Variants in PRKN observed in about 807,000 individuals in gnomAD.
The protein encoded by PRKN is E3 ubiquitin-protein ligase parkin.
A neutral mutation model predicts 59.5 loss-of-function variants in PRKN; 56 were observed. The observed-to-expected ratio is 0.94, with a 90% CI of 0.76 to 1.18. The LOEUF (loss-of-function observed/expected upper bound fraction) is 1.18, where lower values mean the gene tolerates loss of function less well. Ranked by LOEUF, PRKN falls within the 50% of genes most tolerant of loss-of-function variation. The pLI is 0.00. For missense variants in PRKN, 657 were observed against 596.4 expected (o/e 1.10, Z -1.06); for synonymous variants, 250 against 222.1 (o/e 1.13, Z -1.12).
In PRKN at chr6:161,377,399, C is replaced by T. The variant is rs1311107004; in HGVS notation, c.1167+9395G>A. 1.3e-5 allele frequency among the ~76,000 whole-genome samples: 2 copies of T among 152,230 alleles called. No individual in the cohort carries two copies. Among genetic ancestry groups the T allele is most frequent in the Non-Finnish European group, 2.9e-5 (2 of 68,042 alleles). On this transcript the variant is annotated intron_variant, in intron 10 of 11. Coordinates refer to ENST00000366898, the MANE Select transcript of PRKN (RefSeq NM_004562.3). This position sits in a 1 kb window ranked among gnomAD's most constrained non-coding sequence, Gnocchi z 4.2. The stretch of plus-strand genomic sequence containing the variant: ...CCTTGGGCTCACAACCATGGCCCCA[C>T]GGTGGTAGTGGCCGGGCTGGGGAGA...
At chr6:162,271,524 C>A (rs1413018311) in intron 2 of PRKN, 2 of 147,448 alleles carry the variant, frequency 1.4e-5, no homozygotes, top group East Asian at 2.0e-4. Context: ...GCCTGGGTGA[C>A]AGAGCGAGAC....
At chr6:161,631,123 G>A (rs1172531306) in intron 7 of PRKN, among the ~76,000 whole-genome samples, 1 of 152,168 alleles carries the variant, frequency 6.6e-6, no homozygotes, top group Non-Finnish European at 1.5e-5. Context: ...ATGGTTGATT[G>A]GGGGTGAGTA....
At chr6:161,644,835 C>T (rs1185901506) in intron 7 of PRKN, among the ~76,000 whole-genome samples, 1 of 152,296 alleles carries the variant, frequency 6.6e-6, no homozygotes, top group East Asian at 1.9e-4. Flanking sequence ...CAAGGCTGCC[C>T]GAAATGACTC....
intron 6 of PRKN, among the ~76,000 whole-genome samples, chr6:161,886,023 C>A (rs1168644195): frequency 6.6e-6 from 1 of 152,138 alleles, no homozygotes. Flanking sequence ...ACAAATGAAT[C>A]TTCTCCAAAC....
Position 161,502,336 on chromosome 6 carries a change from G to A in PRKN, c.1083+46518C>T, listed in dbSNP as rs757307785. 6.6e-6 allele frequency among the ~76,000 whole-genome samples: 1 copy of A among 152,148 alleles called. No individual in the cohort carries two copies. The highest frequency in any genetic ancestry group is 2.4e-5 in the African/African-American group (1 of 41,424). Reference sequence around the variant, plus strand: ...ATAACAATATTTTCTCTAAGCTCATGAACAATGTTTGGCTGTGCAGAAAAC... The same window carrying A: ...ATAACAATATTTTCTCTAAGCTCATAAACAATGTTTGGCTGTGCAGAAAAC... On this transcript the variant is annotated intron_variant, in intron 9 of 11. Transcript: ENST00000366898. This position sits in a 1 kb window ranked among gnomAD's most constrained non-coding sequence, Gnocchi z 4.0.
chr6:161,469,270 C>A (rs938982558), intron 9 of PRKN, among the ~76,000 whole-genome samples: 4 of 152,104 alleles, frequency 2.6e-5, no homozygotes, highest in Non-Finnish European at 5.9e-5. Context: ...TTATAAGAGG[C>A]TTCCCCCTTC....
chr6:161,592,921 A>C lies in PRKN; in HGVS notation c.872-23505T>G, dbSNP rs1781776524. Reference sequence around the variant, plus strand: ...TCTCAAGGGTTGAAGTTTAATTCCGAGAGTAGGGAGAAGGCACTGGAGGAC... The same window carrying C: ...TCTCAAGGGTTGAAGTTTAATTCCGCGAGTAGGGAGAAGGCACTGGAGGAC... On this transcript the variant is annotated intron_variant, in intron 7 of 11. Transcript: ENST00000366898. This position sits in a 1 kb window ranked among gnomAD's most constrained non-coding sequence, Gnocchi z 4.8. 6.6e-6 allele frequency among the ~76,000 whole-genome samples: 1 copy of C among 152,168 alleles called. No homozygotes were observed. The highest frequency in any genetic ancestry group is 2.4e-5 in the African/African-American group (1 of 41,440).
chr6:162,068,147 T>C (rs1778413673), intron 4 of PRKN, among the ~76,000 whole-genome samples: 1 of 152,202 alleles, frequency 6.6e-6, no homozygotes, highest in African/African-American at 2.4e-5. Flanking sequence ...ACATACATTT[T>C]TAGAATATAT....
rs573703905 is a variant in PRKN, at chr6:161,733,417, C to G, written c.871+52355G>C. On this transcript the variant is annotated intron_variant, in intron 7 of 11. Coordinates refer to ENST00000366898, the MANE Select transcript of PRKN (RefSeq NM_004562.3). ...TAATAGCCCTGTTGAATAAACAACACCCGGGTATAATCATCTTCAGATACG... is the reference window on the plus strand; with the variant it reads ...TAATAGCCCTGTTGAATAAACAACAGCCGGGTATAATCATCTTCAGATACG... 2.6e-5 allele frequency among the ~76,000 whole-genome samples: 4 copies of G among 152,188 alleles called. No homozygotes were observed. In the South Asian group the frequency reaches 8.3e-4, roughly 32 times the overall value.
At chr6:162,002,972 G>A (rs1169240018) in intron 5 of PRKN, among the ~76,000 whole-genome samples, 1 of 152,068 alleles carries the variant, frequency 6.6e-6, no homozygotes, top group African/African-American at 2.4e-5. Context: ...GTAGTCGAGA[G>A]CAAATATTCT....
At chr6:162,118,044 C>T (rs534374878) in intron 4 of PRKN, among the ~76,000 whole-genome samples, 1 of 152,078 alleles carries the variant, frequency 6.6e-6, no homozygotes, top group South Asian at 2.1e-4. Flanking sequence ...TGCAGTGAGC[C>T]AAGATCACGC....
intron 8 of PRKN, among the ~76,000 whole-genome samples, chr6:161,555,976 T>C (rs1458198649): frequency 6.6e-6 from 1 of 152,234 alleles, no homozygotes; most frequent in African/African-American, 2.4e-5. Flanking sequence ...TATTTTCTCA[T>C]TTGACAACAC....
intron 7 of PRKN, among the ~76,000 whole-genome samples, chr6:161,672,652 T>C (rs950391095): frequency 6.6e-6 from 1 of 152,150 alleles, no homozygotes; most frequent in Non-Finnish European, 1.5e-5. Context: ...GGCAGATGTC[T>C]GTAATCCCAG....
At chr6:162,423,961 G>A (rs1789101098) in intron 2 of PRKN, among the ~76,000 whole-genome samples, 1 of 152,160 alleles carries the variant, frequency 6.6e-6, no homozygotes. Context: ...GATGTTTATA[G>A]TAGCTTTGTT....
chr6:162,581,644 C>G (rs1277618859), intron 1 of PRKN, among the ~76,000 whole-genome samples: 2 of 152,164 alleles, frequency 1.3e-5, no homozygotes, highest in Non-Finnish European at 2.9e-5. Flanking sequence ...GACTGTAATC[C>G]CAGCTACTTG....
At chr6:161,837,832 A>G (rs1183460143) in intron 6 of PRKN, among the ~76,000 whole-genome samples, 1 of 152,196 alleles carries the variant, frequency 6.6e-6, no homozygotes, top group Admixed American at 6.5e-5. Flanking sequence ...AAAGCACTAG[A>G]AAATAATAGT....
At chr6:162,033,137 A>C (rs1030891012) in intron 5 of PRKN, among the ~76,000 whole-genome samples, 1 of 152,136 alleles carries the variant, frequency 6.6e-6, no homozygotes, top group African/African-American at 2.4e-5. Context: ...ATCACTTTTC[A>C]CAGCTCTTTA....
At chr6:162,450,316 C>A (rs376584730) in intron 1 of PRKN, among the ~76,000 whole-genome samples, 2 of 119,384 alleles carry the variant, frequency 1.7e-5, no homozygotes, top group Non-Finnish European at 3.2e-5. Flanking sequence ...TATGAACGCC[C>A]GTGAATGTAA....
intron 1 of PRKN, among the ~76,000 whole-genome samples, chr6:162,603,122 A>G (rs1781775083): frequency 6.6e-6 from 1 of 152,128 alleles, no homozygotes; most frequent in Admixed American, 6.6e-5. Flanking sequence ...AATTGTGTAT[A>G]ACTCAGGGAA....
Sources: gnomAD v4.1 joint callset for allele counts (sites outside exome capture counted in the v4.1 genomes callset) on GRCh38, gnomAD v4.1.1 for gene constraint, Gnocchi (gnomAD v3.1) non-coding constraint, MANE v1.5 for transcripts, NCBI Gene and HGNC (gene_info 2026-07-23, HGNC 2026-07-21) for gene names.